The following GNPTAB variants were observed in gnomAD, a reference collection of about 807,000 sequenced individuals.
The protein encoded by GNPTAB is N-acetylglucosamine-1-phosphotransferase subunits alpha/beta.
GNPTAB carries 92 observed loss-of-function variants against 136.6 expected under a neutral mutation model. The ratio of observed to expected loss-of-function variants is 0.67; its 90% CI spans 0.57 to 0.80. The LOEUF is 0.80. Ranked by LOEUF, GNPTAB falls within the 30% of genes least tolerant of loss-of-function variation. The pLI is 0.00. For synonymous variants in GNPTAB, 512 were observed against 535.1 expected, an observed-to-expected ratio of 0.96 and a Z score of 0.60; for missense variants, 1,343 against 1,501.8, an observed-to-expected ratio of 0.89 and a Z score of 1.75.
chr12:101,761,500 T>C, intron 14 of GNPTAB, 64 bp downstream of exon 14: 3 of 1,490,160 alleles, frequency 2.0e-6, no homozygotes, highest in Non-Finnish European at 1.9e-6. Context: ...ATGGTAAATA[T>C]GCACATTTCA....
chr12:101,770,493 C>T lies in GNPTAB; in HGVS notation c.1026G>A (p.Trp342Ter), dbSNP rs1431907386. The change falls in exon 9 of 21, where the codon TGG (tryptophan) becomes TGA (stop). Residue 342 changes from tryptophan to a stop codon, truncating the protein, a stop_gained. Coordinates refer to ENST00000299314, the MANE Select transcript of GNPTAB (RefSeq NM_024312.5). LOFTEE classifies it high-confidence loss of function. ...TGGTGACAATGAAAATATTCCGAAC[C>T]CATGGTGCATGCCTCTCGATAGATC... Reference protein sequence around the residue: ...SLRSIERHAPWVRNIFIVTNG... With the variant: ...SLRSIERHAP 6.2e-7 allele frequency: 1 copy of T among 1,613,502 alleles called. No homozygotes were observed. The highest frequency in any genetic ancestry group is 1.1e-5 in the South Asian group (1 of 91,062).
chr12:101,827,861 G>A (rs1303999611), intron 1 of GNPTAB, among the ~76,000 whole-genome samples: 1 of 152,172 alleles, frequency 6.6e-6, no homozygotes, highest in Non-Finnish European at 1.5e-5. Flanking sequence ...AGCTACTCCG[G>A]AGGGTGGGGC....
intron 1 of GNPTAB, among the ~76,000 whole-genome samples, chr12:101,800,321 T>C (rs1396064519): frequency 4.0e-5 from 6 of 151,868 alleles, no homozygotes; most frequent in Non-Finnish European, 7.4e-5. Context: ...CTCGTCTCTA[T>C]TTTTTCCCTA....
chr12:101,814,532 A>G (rs1422588140), intron 1 of GNPTAB, among the ~76,000 whole-genome samples: 1 of 151,972 alleles, frequency 6.6e-6, no homozygotes, highest in Non-Finnish European at 1.5e-5. Context: ...CCCTGTCTCT[A>G]CTGAAAATAC....
intron 7 of GNPTAB, among the ~76,000 whole-genome samples, chr12:101,775,843 T>C (rs894320941): frequency 6.6e-6 from 1 of 152,212 alleles, no homozygotes; most frequent in South Asian, 2.1e-4. Flanking sequence ...TAGAAAATTA[T>C]GACAATTTAC....
chr12:101,827,360 C>T (rs1283693557), intron 1 of GNPTAB, among the ~76,000 whole-genome samples: 3 of 152,084 alleles, frequency 2.0e-5, no homozygotes, highest in African/African-American at 7.2e-5. Flanking sequence ...CTCGGCCTGC[C>T]AAAGTGCTGG....
intron 1 of GNPTAB, chr12:101,810,552 C>T (rs1311555988): frequency 1.3e-5 from 2 of 151,228 alleles, no homozygotes; most frequent in Non-Finnish European, 1.5e-5. Context: ...CATATTTAGA[C>T]AGTAGAAAAA....
chr12:101,751,950 A>C lies in GNPTAB; in HGVS notation c.3602+1422T>G, dbSNP rs187988153. Among the ~76,000 whole-genome samples, 254 of 151,902 alleles carry C rather than the reference A, an allele frequency of 1.7e-3. 4 individuals carry two copies. The highest frequency in any genetic ancestry group is 5.9e-3 in the African/African-American group (245 of 41,396). ...TGAGGATAAAATGGACCTACTACAGAGTTGTTAGAATAGTTAAATGAGAAT... is the reference window on the plus strand; with the variant it reads ...TGAGGATAAAATGGACCTACTACAGCGTTGTTAGAATAGTTAAATGAGAAT... On this transcript the variant is annotated intron_variant, in intron 19 of 20. Transcript: ENST00000299314.
At position 101,771,142 on chromosome 12, in the gene GNPTAB, CTG is replaced by C; in HGVS notation, c.785_786del (p.Ser262Ter). ...SSKVKLLQLY[S>X]EASVALLKLN... ...AGTTTTAGAAGCGCTACACTGGCCT[CTG>C]AATACAACTGCAACTATCAAATAAC... On this transcript the variant is annotated frameshift_variant, in exon 8 of 21. Coordinates refer to ENST00000299314, the MANE Select transcript of GNPTAB (RefSeq NM_024312.5). LOFTEE classifies it high-confidence loss of function. 1 of 1,613,560 alleles carries C rather than the reference CTG, an allele frequency of 6.2e-7. No homozygotes were observed.
rs145630489 is a variant in GNPTAB, at chr12:101,777,146, T to C, written c.771+3006A>G. 5.3e-3 allele frequency among the ~76,000 whole-genome samples: 808 copies of C among 152,342 alleles called. 13 individuals carry two copies. The Middle Eastern group carries it at 0.058, about 11-fold the overall frequency. On this transcript the variant is annotated intron_variant, in intron 7 of 20. Coordinates refer to ENST00000299314, the MANE Select transcript of GNPTAB (RefSeq NM_024312.5). The stretch of plus-strand genomic sequence containing the variant: ...TTCCTCCTCCTGAATAGCTTGTAAG[T>C]CACCAAGTGATGTTGAGTGTTTCTC...
chr12:101,768,012 G>A (rs769296506), intron 11 of GNPTAB, 25 bp downstream of exon 11: 19 of 1,610,978 alleles, frequency 1.2e-5, no homozygotes, highest in Admixed American at 6.7e-5. Flanking sequence ...AAAAATGAAC[G>A]AATTACAGTT....
chr12:101,772,804 A>G (rs1183414825), intron 7 of GNPTAB, among the ~76,000 whole-genome samples: 2 of 151,964 alleles, frequency 1.3e-5, no homozygotes, highest in East Asian at 3.9e-4. Flanking sequence ...TTCTAGAACA[A>G]TTTATTTACT....
At chr12:101,798,518 G>A (rs1407673751) in intron 1 of GNPTAB, among the ~76,000 whole-genome samples, 1 of 152,150 alleles carries the variant, frequency 6.6e-6, no homozygotes, top group Non-Finnish European at 1.5e-5. Flanking sequence ...TCATTATCCA[G>A]AACTTACACA....
At chr12:101,810,825 G>A (rs546676738) in intron 1 of GNPTAB, among the ~76,000 whole-genome samples, 1 of 152,242 alleles carries the variant, frequency 6.6e-6, no homozygotes, top group African/African-American at 2.4e-5. Context: ...AGGCCCAAGT[G>A]AAGTGTTACA....
chr12:101,753,303 T>TA, intron 19 of GNPTAB, 69 bp downstream of exon 19: 1 of 1,198,070 alleles, frequency 8.3e-7, no homozygotes, highest in Non-Finnish European at 1.2e-6. Context: ...ATTTCATCAC[T>TA]AACATATAGA....
Position 101,757,543 on chromosome 12 carries a change from AAC to A in GNPTAB, c.3335+27_3335+28del, listed in dbSNP as rs755074565. 3.7e-6 allele frequency: 4 copies of A among 1,072,672 alleles called. No homozygotes were observed. In the African/African-American group the frequency reaches 6.2e-5, roughly 17 times the overall value. The allele number at this position is 1,072,672 out of a possible 1,614,324, so 66.4% of individuals were successfully genotyped here. On this transcript the variant is annotated intron_variant, in intron 17 of 20. Transcript: ENST00000299314. ...GACCTTTGTGATTACTCTTATACTAAACAAAGGGAGTATGCGTGTACTACTTA... is the reference window on the plus strand; with the variant it reads ...GACCTTTGTGATTACTCTTATACTAAAAAGGGAGTATGCGTGTACTACTTA...
At chr12:101,768,859 T>C (rs1045582985) in intron 10 of GNPTAB, among the ~76,000 whole-genome samples, 29 of 152,366 alleles carry the variant, frequency 1.9e-4, no homozygotes, top group South Asian at 1.7e-3. Context: ...CTTTCTTCCC[T>C]ATCCTATCTG....
rs1245543262 is a variant in GNPTAB at position 101,770,119 on chromosome 12, C to T, written c.1186G>A (p.Glu396Lys). The T allele has an allele frequency of 6.2e-6, 10 of 1,614,056 alleles. No individual in the cohort carries two copies. The highest frequency in any genetic ancestry group is 4.5e-5 in the East Asian group (2 of 44,886). ...PAIESHIHRIEGLSQKFIYLN... is the reference protein window; with the variant it reads ...PAIESHIHRIKGLSQKFIYLN... ...TAAATAAACTTCTGGGACAGCCCTT[C>T]GATGCGATGAATGTGACTTTCAATA... Residue 396 changes from glutamate to lysine, a missense_variant, in exon 10 of 21, where the codon GAA becomes AAA. Transcript: ENST00000299314.
rs1868628714 is a variant in GNPTAB at position 101,786,120 on chromosome 12, G to A, written c.463C>T (p.Pro155Ser). Residue 155 changes from proline (P) to serine (S), a missense_variant, in exon 5 of 21, where the codon CCA becomes TCA. Physicochemically the swap from Pro to Ser is moderately conservative, Grantham distance 74. Transcript: ENST00000299314. ...LPANITLKDL[P>S]SLYPSFHSAS... is the part of the protein sequence containing the mutation. Reference sequence around the variant, plus strand: ...GAATGAAAAGAAGGATAAAGAGATGGCAGGTCCTTCAGGGTGATGTTGGCT... The same window carrying A: ...GAATGAAAAGAAGGATAAAGAGATGACAGGTCCTTCAGGGTGATGTTGGCT... 2 of 1,613,918 alleles carry A rather than the reference G, an allele frequency of 1.2e-6. No homozygotes were observed. The highest frequency in any genetic ancestry group is 3.3e-5 in the Admixed American group (2 of 59,992).
Sources: allele counts gnomAD v4.1 joint callset (sites outside exome capture counted in the v4.1 genomes callset), GRCh38; gene constraint gnomAD v4.1.1; transcripts MANE v1.5; gene names NCBI Gene and HGNC (gene_info 2026-07-23, HGNC 2026-07-21).